The following SUMF1 variants were observed in gnomAD, a reference collection of about 807,000 sequenced individuals.
SUMF1 encodes formylglycine-generating enzyme.
SUMF1 carries 48 observed loss-of-function variants against 47.6 expected under a neutral mutation model. The ratio of observed to expected loss-of-function variants is 1.01; its 90% CI spans 0.80 to 1.28. SUMF1 has a LOEUF of 1.28. Among genes scored for constraint, SUMF1 ranks in the 50% most tolerant of loss-of-function variants. The pLI is 0.00. For missense variants in SUMF1, 571 were observed against 485.4 expected, an observed-to-expected ratio of 1.18 and a Z score of -1.66; for synonymous variants, 230 against 192.1, an observed-to-expected ratio of 1.20 and a Z score of -1.63.
At chr3:4,057,135 A>G (rs317537) in intron 9 of SUMF1, among the ~76,000 whole-genome samples, 137,872 of 152,166 alleles carry the variant, frequency 0.91, 63,925 homozygotes, top group Non-Finnish European at 1. Context: ...ATGAGTGCCA[A>G]TAAAAGAATG....
At chr3:4,291,129 A>G (rs17040355) in intron 8 of SUMF1, among the ~76,000 whole-genome samples, 2,483 of 152,250 alleles carry the variant, frequency 0.016, 73 homozygotes, top group African/African-American at 0.057. Flanking sequence ...TATTATAATA[A>G]CTATTCCCGA....
chr3:4,313,429 C>T (rs761704598), intron 8 of SUMF1: 6 of 1,613,938 alleles, frequency 3.7e-6, no homozygotes, highest in Non-Finnish European at 5.1e-6. Flanking sequence ...TGAGCCAAAC[C>T]TTTTGATGAT....
At chr3:4,096,265 C>T (rs17039878) in intron 8 of SUMF1, among the ~76,000 whole-genome samples, 3,877 of 152,184 alleles carry the variant, frequency 0.025, 264 homozygotes, top group East Asian at 0.16. Context: ...CCAGTAAGTA[C>T]GGAGTGAGGA....
chr3:4,363,295 AAAC>A (rs1278155485), intron 8 of SUMF1, among the ~76,000 whole-genome samples: 25 of 152,332 alleles, frequency 1.6e-4, no homozygotes, highest in East Asian at 3.9e-4. Context: ...GCAAAAAATT[AAAC>A]AACAAGTCTA....
chr3:4,189,421 T>C (rs1462335279), intron 8 of SUMF1, among the ~76,000 whole-genome samples: 1 of 152,154 alleles, frequency 6.6e-6, no homozygotes, highest in Non-Finnish European at 1.5e-5. Context: ...AATTAAAATG[T>C]CTAAAATCCA....
intron 8 of SUMF1, among the ~76,000 whole-genome samples, chr3:4,090,619 T>C (rs1476855868): frequency 2.6e-5 from 4 of 152,150 alleles, no homozygotes; most frequent in Non-Finnish European, 4.4e-5. Context: ...CTGTGCAGTA[T>C]AAAAGCATCC....
chr3:4,317,374 C>T (rs928266193), intron 8 of SUMF1: 45 of 690,868 alleles, frequency 6.5e-5, no homozygotes, highest in South Asian at 1.2e-4. Flanking sequence ...GTAGATTCCA[C>T]GGACTTTATT....
chr3:4,374,145 TTAC>T (rs1345044218), intron 8 of SUMF1, among the ~76,000 whole-genome samples: 15 of 152,308 alleles, frequency 9.8e-5, no homozygotes, highest in Non-Finnish European at 1.9e-4. Context: ...AGGTCTACTC[TTAC>T]CATTCCTATT....
intron 7 of SUMF1, among the ~76,000 whole-genome samples, chr3:4,410,178 C>T (rs1701496336): frequency 6.6e-6 from 1 of 152,224 alleles, no homozygotes; most frequent in Non-Finnish European, 1.5e-5. Context: ...GAAGCACTTT[C>T]CACACACATG....
intron 8 of SUMF1, among the ~76,000 whole-genome samples, chr3:4,133,820 T>G (rs1693850886): frequency 6.6e-6 from 1 of 152,070 alleles, no homozygotes; most frequent in African/African-American, 2.4e-5. Context: ...TGTATATCTA[T>G]TCTATTAGTT....
chr3:4,049,493 C>T (rs1695065243), intron 9 of SUMF1, among the ~76,000 whole-genome samples: 1 of 152,148 alleles, frequency 6.6e-6, no homozygotes, highest in African/African-American at 2.4e-5. Context: ...TTCCCTGACA[C>T]CCCTTGCTGA....
chr3:4,183,784 G>C (rs145376724), intron 8 of SUMF1, among the ~76,000 whole-genome samples: 177 of 152,254 alleles, frequency 1.2e-3, no homozygotes, highest in Non-Finnish European at 1.4e-3. Context: ...AAAGGAAATA[G>C]GATTCTCATT....
chr3:4,138,438 T>G (rs1002734665), intron 8 of SUMF1, among the ~76,000 whole-genome samples: 1 of 152,152 alleles, frequency 6.6e-6, no homozygotes, highest in African/African-American at 2.4e-5. Context: ...GGATATTCCA[T>G]GTCAATTCCA....
chr3:4,103,569 T>C (rs979215505), intron 8 of SUMF1, among the ~76,000 whole-genome samples: 3 of 152,244 alleles, frequency 2.0e-5, no homozygotes, highest in Non-Finnish European at 4.4e-5. Context: ...GTATTTGTCA[T>C]TAGTGATTAG....
intron 9 of SUMF1, among the ~76,000 whole-genome samples, chr3:4,045,254 G>C (rs953379893): frequency 1.3e-5 from 2 of 152,166 alleles, no homozygotes; most frequent in African/African-American, 4.8e-5. Context: ...TTCTGCCTGT[G>C]TCTTCAGATC....
At chr3:4,325,361 T>G (rs149258176) in intron 8 of SUMF1, among the ~76,000 whole-genome samples, 1 of 144,034 alleles carries the variant, frequency 6.9e-6, no homozygotes. Context: ...CAGAGAAAGA[T>G]AGGGGGAGAA....
chr3:4,087,482 T>C (rs73129134), intron 8 of SUMF1, among the ~76,000 whole-genome samples: 16,635 of 152,162 alleles, frequency 0.11, 1,780 homozygotes, highest in African/African-American at 0.26. Context: ...TCAATGTCCA[T>C]CTTCTTGACC....
chr3:4,079,180 T>C (rs879003834), intron 8 of SUMF1, among the ~76,000 whole-genome samples: 2 of 152,146 alleles, frequency 1.3e-5, no homozygotes, highest in Admixed American at 1.3e-4. Context: ...ATCCATGTCA[T>C]CAGCTCAGCC....
intron 8 of SUMF1, among the ~76,000 whole-genome samples, chr3:4,253,674 G>A (rs1042047764): frequency 2.7e-4 from 41 of 151,616 alleles, no homozygotes; most frequent in Admixed American, 7.2e-4. Flanking sequence ...AGGCGGCAGC[G>A]AGGCTGGGGG....
Sources: allele counts gnomAD v4.1 joint callset (sites outside exome capture counted in the v4.1 genomes callset), GRCh38; gene constraint gnomAD v4.1.1; transcripts MANE v1.5; gene names NCBI Gene and HGNC (gene_info 2026-07-23, HGNC 2026-07-21).